Variants in ZNF644 observed in about 807,000 individuals in gnomAD.
The protein encoded by ZNF644 is zinc finger protein 644, also known as zinc finger motif enhancer binding protein 2.
In ZNF644, 20 loss-of-function variants were observed where a neutral mutation model predicts 108.0. The observed-to-expected ratio is 0.19, with a 90% confidence interval of 0.13 to 0.27. The LOEUF is 0.27. Ranked by LOEUF, ZNF644 falls within the 10% of genes least tolerant of loss-of-function variation. The probability of loss-of-function intolerance (pLI) is 1.00; values close to 1 mark genes in which losing one functional copy is unlikely to be tolerated. For synonymous variants in ZNF644, 542 were observed against 539.1 expected (o/e 1.01, Z -0.08); for missense variants, 1,338 against 1,548.9 (o/e 0.86, Z 2.29).
chr1:91,003,911 A>G (rs1026415527), intron 1 of ZNF644, among the ~76,000 whole-genome samples: 1 of 152,118 alleles, frequency 6.6e-6, no homozygotes, highest in African/African-American at 2.4e-5. Context: ...AAATTATGAG[A>G]AAAAAACAAA....
chr1:91,021,304 CA>C (rs1284428190), intron 1 of ZNF644: 1 of 152,738 alleles, frequency 6.5e-6, no homozygotes, highest in Admixed American at 6.5e-5. Context: ...CACCTAGCCG[CA>C]TAAGATCTTG....
intron 2 of ZNF644, among the ~76,000 whole-genome samples, chr1:90,943,674 T>C (rs1652240346): frequency 1.3e-5 from 2 of 152,160 alleles, no homozygotes; most frequent in African/African-American, 2.4e-5. Flanking sequence ...GTAATAAAAA[T>C]AGACTTCCAA....
At chr1:90,987,246 GTTTTT>G (rs55996875) in intron 1 of ZNF644, among the ~76,000 whole-genome samples, 16 of 121,120 alleles carry the variant, frequency 1.3e-4, no homozygotes, top group African/African-American at 4.9e-4. Context: ...CCTAGAGTTG[GTTTTT>G]TTTTTTTTTT....
chr1:90,988,016 T>C (rs950024644), intron 1 of ZNF644, among the ~76,000 whole-genome samples: 3 of 152,182 alleles, frequency 2.0e-5, no homozygotes, highest in Admixed American at 1.3e-4. Context: ...GGATGCCTAC[T>C]GTCACCATTT....
rs1648732697 is a variant in ZNF644 at position 90,916,092 on chromosome 1, C to A, written c.*706G>T. On this transcript the variant is annotated 3_prime_UTR_variant, in exon 6 of 6. Coordinates refer to ENST00000337393, the MANE Select transcript of ZNF644 (RefSeq NM_201269.3). ...CAAAGTAGGAGGTAGCATGGATGCA[C>A]CACTTTATTGTCTGAGAAATGCAAC... 6.6e-6 allele frequency: 1 copy of A among 152,470 alleles called. No homozygotes were observed. The highest frequency in any genetic ancestry group is 2.1e-4 in the South Asian group (1 of 4,828). The allele number at this position is 152,470 out of a possible 1,614,324, so 9.4% of individuals were successfully genotyped here.
intron 4 of ZNF644, among the ~76,000 whole-genome samples, chr1:90,935,184 T>A (rs1012761455): frequency 6.6e-6 from 1 of 151,868 alleles, no homozygotes; most frequent in Non-Finnish European, 1.5e-5. Context: ...TTGGGTTAAT[T>A]TTTTTTCCCC....
At chr1:90,923,009 A>T (rs1649636008) in intron 4 of ZNF644, among the ~76,000 whole-genome samples, 1 of 152,178 alleles carries the variant, frequency 6.6e-6, no homozygotes, top group African/African-American at 2.4e-5. Flanking sequence ...ACAACAACAA[A>T]AACATGCTAG....
Position 90,917,339 on chromosome 1 carries a change from T to C in ZNF644, c.3792-349A>G, listed in dbSNP as rs549550563. ...CATTCCTTAAATGGCATTGTGTCTA[T>C]GTTTCTTCATGTGTGTTGTGTGTGA... On this transcript the variant is annotated intron_variant, in intron 5 of 5. Coordinates refer to ENST00000337393, the MANE Select transcript of ZNF644 (RefSeq NM_201269.3). Among the ~76,000 whole-genome samples the C allele has an allele frequency of 2.0e-5, 3 of 152,296 alleles. No individual in the cohort carries two copies. The South Asian group carries it at 6.2e-4, about 32-fold the overall frequency.
chr1:91,014,905 G>C (rs1325286874), intron 1 of ZNF644, among the ~76,000 whole-genome samples: 2 of 152,116 alleles, frequency 1.3e-5, no homozygotes, highest in African/African-American at 2.4e-5. Context: ...GATATACCTA[G>C]GTTCAAACTT....
At position 90,973,749 on chromosome 1, in the gene ZNF644, A is replaced by C. The variant is rs868044697; in HGVS notation, c.44+8561T>G. On this transcript the variant is annotated intron_variant, in intron 2 of 5. Transcript: ENST00000337393. ...CGTCATCTATAGAGGGCACTGCAGG[A>C]GACGTCAATATTTAGCACTTCATTA... 3.3e-5 allele frequency among the ~76,000 whole-genome samples: 5 copies of C among 152,162 alleles called. No homozygotes were observed. The South Asian group carries it at 1.0e-3, about 32-fold the overall frequency.
intron 2 of ZNF644, among the ~76,000 whole-genome samples, chr1:90,952,022 G>A (rs1345551657): frequency 6.6e-6 from 1 of 152,128 alleles, no homozygotes; most frequent in Non-Finnish European, 1.5e-5. Flanking sequence ...CAAGGGAAGA[G>A]TTCAGTATCT....
At chr1:91,017,318 T>C (rs931380620) in intron 1 of ZNF644, among the ~76,000 whole-genome samples, 2 of 152,198 alleles carry the variant, frequency 1.3e-5, no homozygotes, top group Admixed American at 6.5e-5. Flanking sequence ...AAATCTCAGT[T>C]CAAAGGATTC....
chr1:90,956,908 T>C (rs538375292), intron 2 of ZNF644, among the ~76,000 whole-genome samples: 1 of 152,052 alleles, frequency 6.6e-6, no homozygotes, highest in Admixed American at 6.6e-5. Flanking sequence ...GACAAAGGAA[T>C]TGACAACAAC....
chr1:91,007,808 GTCT>G (rs1227083821), intron 1 of ZNF644, among the ~76,000 whole-genome samples: 2 of 151,160 alleles, frequency 1.3e-5, no homozygotes, highest in Non-Finnish European at 2.9e-5. Context: ...ACAAAAACTT[GTCT>G]TCTTCTTGAA....
At chr1:90,958,202 C>T (rs554118119) in intron 2 of ZNF644, among the ~76,000 whole-genome samples, 2 of 140,610 alleles carry the variant, frequency 1.4e-5, no homozygotes, top group South Asian at 4.6e-4. Context: ...CACCACTGCA[C>T]CCCAACCTGG....
intron 2 of ZNF644, among the ~76,000 whole-genome samples, chr1:90,978,867 T>C (rs1050372312): frequency 6.7e-6 from 1 of 150,026 alleles, no homozygotes; most frequent in Middle Eastern, 3.2e-3. Context: ...AAGGTCTATA[T>C]ACGGTAAGAA....
chr1:90,968,449 T>G (rs1265511950), intron 2 of ZNF644, among the ~76,000 whole-genome samples: 2 of 152,184 alleles, frequency 1.3e-5, no homozygotes, highest in Non-Finnish European at 2.9e-5. Flanking sequence ...AGCCTCTCAT[T>G]TTAATGTGAT....
Position 90,939,698 on chromosome 1 carries a change from T to C in ZNF644, c.1656A>G (p.Val552=), listed in dbSNP as rs928378225. 2.5e-6 allele frequency: 4 copies of C among 1,613,958 alleles called. No individual in the cohort carries two copies. In the Admixed American group the frequency reaches 5.0e-5, roughly 20 times the overall value. ...CHRGIAHGAV[V]KCPMVTSDIA... ...TATCAGAAGTGACCATAGGGCATTT[T>C]ACCACTGCCCCATGTGCAATGCCTC... is the stretch of plus-strand genomic sequence containing the variant. The change falls in exon 3 of 6, where the codon GTA becomes GTG. Residue 552 remains valine (V), a synonymous_variant. Coordinates refer to ENST00000337393, the MANE Select transcript of ZNF644 (RefSeq NM_201269.3).
chr1:90,995,694 G>GA (rs1224704192), intron 1 of ZNF644, among the ~76,000 whole-genome samples: 4 of 152,150 alleles, frequency 2.6e-5, no homozygotes, highest in African/African-American at 9.6e-5. Context: ...TGACCTATCA[G>GA]AAAAAATGGA....
Sources: gnomAD v4.1 joint callset for allele counts (sites outside exome capture counted in the v4.1 genomes callset) on GRCh38, gnomAD v4.1.1 for gene constraint, MANE v1.5 for transcripts, NCBI Gene and HGNC (gene_info 2026-07-23, HGNC 2026-07-21) for gene names.